The following CACNA1A variants were observed in gnomAD, a reference collection of about 807,000 sequenced individuals.
CACNA1A encodes calcium voltage-gated channel subunit alpha1 A, also known as voltage-dependent P/Q-type calcium channel subunit alpha-1A.
CACNA1A carries 57 observed loss-of-function variants against 262.4 expected under a neutral mutation model. The observed-to-expected ratio is 0.22, with a 90% CI of 0.18 to 0.27. The LOEUF (loss-of-function observed/expected upper bound fraction) is 0.27. Among genes scored for constraint, CACNA1A ranks in the 10% least tolerant of loss-of-function variants. The pLI is 1.00. For missense variants in CACNA1A, 2,526 were observed against 3,562.8 expected, an observed-to-expected ratio of 0.71 and a Z score of 7.41; for synonymous variants, 1,431 against 1,419.3, an observed-to-expected ratio of 1.01 and a Z score of -0.18.
chr19:13,466,617 A>C (rs949338452), intron 1 of CACNA1A, among the ~76,000 whole-genome samples: 20 of 152,194 alleles, frequency 1.3e-4, no homozygotes, highest in Admixed American at 5.2e-4. Context: ...CTGGGATTAC[A>C]GGCGTGAGCC....
intron 38 of CACNA1A, among the ~76,000 whole-genome samples, chr19:13,221,160 G>A (rs1047304335): frequency 1.4e-5 from 2 of 143,494 alleles, no homozygotes; most frequent in Non-Finnish European, 3.0e-5. Context: ...CCATGTGTGG[G>A]ACTATCCACC....
chr19:13,411,714 C>CTCT (rs1568619127), intron 3 of CACNA1A, among the ~76,000 whole-genome samples: 2 of 151,306 alleles, frequency 1.3e-5, no homozygotes, highest in African/African-American at 2.4e-5. Flanking sequence ...CTCTCTCTCT[C>CTCT]CCCATTCTCC....
At chr19:13,305,069 GT>G (rs1442782201) in intron 15 of CACNA1A, among the ~76,000 whole-genome samples, 1 of 152,228 alleles carries the variant, frequency 6.6e-6, no homozygotes, top group Non-Finnish European at 1.5e-5. Context: ...TGTCTGGGAG[GT>G]GATCTCAGGA....
intron 1 of CACNA1A, among the ~76,000 whole-genome samples, chr19:13,482,832 C>A (rs1037720984): frequency 1.3e-5 from 2 of 150,942 alleles, no homozygotes; most frequent in African/African-American, 2.4e-5. Context: ...TTCTCTCCCC[C>A]CTTCTTTCTC....
At position 13,212,823 on chromosome 19, in the gene CACNA1A, A is replaced by C. The variant is rs2054865841; in HGVS notation, c.5941-83T>G. ...ACCCAGAAGGCATTGCGACATCCCCAGTATACACACACACACACACACACA... is the reference window on the plus strand; with the variant it reads ...ACCCAGAAGGCATTGCGACATCCCCCGTATACACACACACACACACACACA... On this transcript the variant is annotated intron_variant, in intron 40 of 46. Transcript: ENST00000360228. This position sits in a 1 kb window ranked among gnomAD's most constrained non-coding sequence, Gnocchi z 5.6. The C allele has an allele frequency of 1.7e-6, 1 of 577,206 alleles. No homozygotes were observed. The highest frequency in any genetic ancestry group is 3.0e-5 in the East Asian group (1 of 33,108). The allele number at this position is 577,206 out of a possible 1,614,324, so 35.8% of individuals were successfully genotyped here. A position where few individuals can be genotyped will look rare whatever the true frequency, so the allele number is the denominator to read the frequency against.
Position 13,279,293 on chromosome 19 carries a change from T to C in CACNA1A, c.3823-2165A>G, listed in dbSNP as rs1022046527. 4.6e-5 allele frequency among the ~76,000 whole-genome samples: 7 copies of C among 152,176 alleles called. No individual in the cohort carries two copies. The South Asian group carries it at 1.5e-3, about 32-fold the overall frequency. ...ATCTATTTGAAAATGTTATTTCCTG[T>C]GGCTCAGTCTAATCCAAAAAAGTGC... On this transcript the variant is annotated intron_variant, in intron 22 of 46. Transcript: ENST00000360228.
chr19:13,435,655 T>C (rs191684017), intron 3 of CACNA1A, among the ~76,000 whole-genome samples: 124 of 152,248 alleles, frequency 8.1e-4, no homozygotes, highest in African/African-American at 2.6e-3. Context: ...ATATTGAGAA[T>C]AGCACTAGGT....
At position 13,425,475 on chromosome 19, in the gene CACNA1A, A is replaced by G. The variant is rs548000590; in HGVS notation, c.539+27401T>C. Among the ~76,000 whole-genome samples the G allele has an allele frequency of 2.0e-5, 3 of 152,344 alleles. No homozygotes were observed. The East Asian group carries it at 5.8e-4, about 29-fold the overall frequency. Reference sequence around the variant, plus strand: ...GGGGCCCCAATAGGCTATCACTTTCAGGTAAGAAACCTGAAGTTAATTTAC... The same window carrying G: ...GGGGCCCCAATAGGCTATCACTTTCGGGTAAGAAACCTGAAGTTAATTTAC... On this transcript the variant is annotated intron_variant, in intron 3 of 46. Coordinates refer to ENST00000360228, the MANE Select transcript of CACNA1A (RefSeq NM_001127222.2).
intron 3 of CACNA1A, among the ~76,000 whole-genome samples, chr19:13,406,468 TATA>T (rs1568614392): frequency 0.022 from 299 of 13,768 alleles, 7 homozygotes; most frequent in African/African-American, 0.058. Context: ...AAAAAAATTA[TATA>T]TATATATATA....
rs113708295 is a variant in CACNA1A at position 13,374,965 on chromosome 19, C to T, written c.540-3186G>A. Among the ~76,000 whole-genome samples the T allele has an allele frequency of 9.2e-3, 1,406 of 152,262 alleles. 23 individuals carry two copies. The highest frequency in any genetic ancestry group is 0.032 in the African/African-American group (1,343 of 41,536). ...GGATTATGGACGTGAGCCACCACAC[C>T]GGCCGAGGAAGACTTCATTTCATTG... is the stretch of plus-strand genomic sequence containing the variant. On this transcript the variant is annotated intron_variant, in intron 3 of 46. Transcript: ENST00000360228.
At chr19:13,393,361 G>A (rs1013171335) in intron 3 of CACNA1A, among the ~76,000 whole-genome samples, 1 of 152,190 alleles carries the variant, frequency 6.6e-6, no homozygotes, top group Non-Finnish European at 1.5e-5. Flanking sequence ...GTCAATGCAT[G>A]CATGCTGTAT....
intron 3 of CACNA1A, among the ~76,000 whole-genome samples, chr19:13,387,578 C>T (rs1480399300): frequency 1.3e-5 from 2 of 152,278 alleles, no homozygotes; most frequent in Middle Eastern, 3.4e-3. Flanking sequence ...CAAACTCATG[C>T]CTTCACTAGC....
chr19:13,408,349 A>C (rs2144726462), intron 3 of CACNA1A, among the ~76,000 whole-genome samples: 1 of 152,306 alleles, frequency 6.6e-6, no homozygotes, highest in Non-Finnish European at 1.5e-5. Flanking sequence ...TAGCCTGGGC[A>C]ACAGAGTGAG....
At position 13,444,667 on chromosome 19, in the gene CACNA1A, A is replaced by G. The variant is rs1029495301; in HGVS notation, c.539+8209T>C. On this transcript the variant is annotated intron_variant, in intron 3 of 46. Coordinates refer to ENST00000360228, the MANE Select transcript of CACNA1A (RefSeq NM_001127222.2). ...CTCTAGTGGCAGAACCTGAGGGGTG[A>G]TATTAAACATTTATACCACTTCCAT... 3.3e-5 allele frequency among the ~76,000 whole-genome samples: 5 copies of G among 152,258 alleles called. No individual in the cohort carries two copies. The East Asian group carries it at 7.7e-4, about 24-fold the overall frequency.
chr19:13,261,291 GT>G, intron 26 of CACNA1A, 158 bp downstream of exon 26: 1 of 616,470 alleles, frequency 1.6e-6, no homozygotes, highest in Admixed American at 3.1e-5. Context: ...TCTAAAACCG[GT>G]TTTCTTTCTA....
chr19:13,389,852 G>A (rs999360536), intron 3 of CACNA1A, among the ~76,000 whole-genome samples: 22 of 151,710 alleles, frequency 1.5e-4, no homozygotes, highest in African/African-American at 4.6e-4. Flanking sequence ...TCGCTCTGTC[G>A]CCCAGGCCGG....
chr19:13,298,868 C>G lies in CACNA1A; in HGVS notation c.2765G>C (p.Arg922Pro), dbSNP rs752824390. The G allele has an allele frequency of 6.3e-7, 1 of 1,591,706 alleles. No individual in the cohort carries two copies. The change falls in exon 19 of 47, where the codon CGA (arginine) becomes CCA (proline). Residue 922 changes from arginine (R) to proline (P), a missense_variant. Physicochemically the swap from Arg to Pro is moderately radical, Grantham distance 103. Around this residue, in one of 17 missense-constraint regions of CACNA1A, gnomAD observed 765 missense variants for 748.6 expected, o/e 1.02. Transcript: ENST00000360228. ...QPGFWEGEAE[R>P]GKAGDPHRRH... ...CCGGTGGGGGTCCCCGGCCTTGCCT[C>G]GCTCGGCCTCGCCCTCCCAGAACCC...
intron 3 of CACNA1A, among the ~76,000 whole-genome samples, chr19:13,436,407 T>C (rs1241688744): frequency 6.6e-6 from 1 of 152,198 alleles, no homozygotes; most frequent in East Asian, 1.9e-4. Flanking sequence ...AGGACTGGAA[T>C]TAAGTATAGC....
intron 1 of CACNA1A, among the ~76,000 whole-genome samples, chr19:13,495,310 A>ATTTT (rs1049361417): frequency 3.3e-4 from 50 of 151,828 alleles, no homozygotes; most frequent in Non-Finnish European, 6.2e-4. Flanking sequence ...TTATTTATTT[A>ATTTT]TTTTGAGATG....
Sources: gnomAD v4.1 joint callset for allele counts (sites outside exome capture counted in the v4.1 genomes callset) on GRCh38, gnomAD v4.1.1 for gene constraint, gnomAD v4.1.1 regional missense constraint, Gnocchi (gnomAD v3.1) non-coding constraint, MANE v1.5 for transcripts, NCBI Gene and HGNC (gene_info 2026-07-23, HGNC 2026-07-21) for gene names.